BNC2: variants seen among roughly 807,000 people sequenced by gnomAD.
BNC2 encodes basonuclin zinc finger protein 2.
In BNC2, 20 loss-of-function variants were observed where a neutral mutation model predicts 76.3. That is an observed-to-expected ratio of 0.26 (90% CI 0.18 to 0.38). BNC2 has a LOEUF of 0.38. BNC2 is among the 10% of genes least tolerant of loss of function. The pLI is 1.00. For missense variants in BNC2, 1,382 were observed against 1,399.8 expected (o/e 0.99, Z 0.20); for synonymous variants, 582 against 514.8 (o/e 1.13, Z -1.77).
chr9:16,777,569 C>T (rs1826002810), intron 1 of BNC2, among the ~76,000 whole-genome samples: 1 of 151,856 alleles, frequency 6.6e-6, no homozygotes, highest in South Asian at 2.1e-4. Context: ...GGCATGGTGG[C>T]GGGTGCCTGT....
intron 3 of BNC2, among the ~76,000 whole-genome samples, chr9:16,688,195 G>C (rs922509798): frequency 2.0e-5 from 3 of 152,112 alleles, no homozygotes; most frequent in East Asian, 1.9e-4. Context: ...TCATCAGTTA[G>C]GGAAATCTTT....
At chr9:16,623,069 G>C (rs770980117) in intron 3 of BNC2, among the ~76,000 whole-genome samples, 7 of 152,076 alleles carry the variant, frequency 4.6e-5, no homozygotes, top group Non-Finnish European at 1.5e-5. Flanking sequence ...TTCAGTATCT[G>C]TTTAATACAT....
chr9:16,645,253 T>C (rs1044285887), intron 3 of BNC2, among the ~76,000 whole-genome samples: 2 of 152,184 alleles, frequency 1.3e-5, no homozygotes, highest in South Asian at 2.1e-4. Flanking sequence ...TATATTGCTG[T>C]GGAAAAGTTA....
chr9:16,819,906 CT>C (rs1017883421), intron 1 of BNC2, among the ~76,000 whole-genome samples: 29 of 152,058 alleles, frequency 1.9e-4, no homozygotes, highest in African/African-American at 7.0e-4. Flanking sequence ...AGGAGGATCA[CT>C]TCAGGTCAGG....
chr9:16,435,888 T>G lies in BNC2; in HGVS notation c.2306A>C (p.Gln769Pro). ...PDENHSEPSH[Q>P]DVIKVKEEFT... ...TTCTTCCTTCACCTTGATGACGTCC[T>G]GGTGAGAGGGCTCACTGTGGTTCTC... Residue 769 changes from glutamine to proline, a missense_variant, in exon 6 of 7, where the codon CAG becomes CCG. Physicochemically the swap from Gln to Pro is moderately conservative, Grantham distance 76. Transcript: ENST00000380672. The G allele has an allele frequency of 6.2e-7, 1 of 1,613,952 alleles. No individual in the cohort carries two copies.
intron 5 of BNC2, among the ~76,000 whole-genome samples, chr9:16,448,053 G>A (rs574312332): frequency 7.9e-5 from 12 of 151,946 alleles, no homozygotes; most frequent in East Asian, 5.8e-4. Flanking sequence ...TCCCTGCAGC[G>A]GCCTTGTTTT....
chr9:16,809,434 G>T lies in BNC2; in HGVS notation c.3+61212C>A, dbSNP rs79232593. ...TAGGATAAGAGCCCTGGGATGAGGAGCAAGAACTCTCTCGGTCCAGTTTTT... is the reference window on the plus strand; with the variant it reads ...TAGGATAAGAGCCCTGGGATGAGGATCAAGAACTCTCTCGGTCCAGTTTTT... On this transcript the variant is annotated intron_variant, in intron 1 of 6. Transcript: ENST00000380672. 4.2e-3 allele frequency among the ~76,000 whole-genome samples: 640 copies of T among 152,198 alleles called. 7 individuals carry two copies. The highest frequency in any genetic ancestry group is 0.015 in the African/African-American group (612 of 41,536).
intron 1 of BNC2, among the ~76,000 whole-genome samples, chr9:16,825,911 G>C (rs1221054817): frequency 2.0e-5 from 3 of 152,052 alleles, no homozygotes; most frequent in Non-Finnish European, 4.4e-5. Context: ...TTTGGACAGA[G>C]AGAAGGGACA....
intron 1 of BNC2, among the ~76,000 whole-genome samples, chr9:16,807,868 A>T (rs915009491): frequency 6.6e-6 from 1 of 152,164 alleles, no homozygotes; most frequent in Non-Finnish European, 1.5e-5. Flanking sequence ...TTCCTAACAG[A>T]TAAACTCATA....
intron 5 of BNC2, among the ~76,000 whole-genome samples, chr9:16,481,857 T>A (rs1822064348): frequency 6.6e-6 from 1 of 152,238 alleles, no homozygotes; most frequent in African/African-American, 2.4e-5. Context: ...AAAGAATATG[T>A]GTGATCTTAG....
chr9:16,591,034 T>C (rs1432553043), intron 3 of BNC2, among the ~76,000 whole-genome samples: 2 of 152,178 alleles, frequency 1.3e-5, no homozygotes, highest in Non-Finnish European at 1.5e-5. Flanking sequence ...GCTAAGACAG[T>C]ACTTCAAACA....
At chr9:16,658,030 G>A (rs79802950) in intron 3 of BNC2, among the ~76,000 whole-genome samples, 12,622 of 152,088 alleles carry the variant, frequency 0.083, 1,674 homozygotes, top group African/African-American at 0.28. Flanking sequence ...ATAATAGACC[G>A]GAATTTCGGG....
intron 4 of BNC2, among the ~76,000 whole-genome samples, chr9:16,564,504 C>A (rs1408549379): frequency 1.3e-5 from 2 of 152,150 alleles, no homozygotes; most frequent in Non-Finnish European, 2.9e-5. Flanking sequence ...AGACAAACTG[C>A]CTCTCCACCT....
chr9:16,710,124 A>T (rs202029210), intron 3 of BNC2, among the ~76,000 whole-genome samples: 4 of 31,960 alleles, frequency 1.3e-4, no homozygotes, highest in Admixed American at 7.9e-4. Flanking sequence ...TTCAACATTT[A>T]AAAAAAAAAA....
intron 1 of BNC2, among the ~76,000 whole-genome samples, chr9:16,777,794 A>G (rs1422378980): frequency 6.6e-6 from 1 of 152,192 alleles, no homozygotes; most frequent in African/African-American, 2.4e-5. Flanking sequence ...TATAATAACA[A>G]AAAATTGGAT....
intron 5 of BNC2, among the ~76,000 whole-genome samples, chr9:16,469,213 G>A (rs1821765129): frequency 7.2e-6 from 1 of 137,964 alleles, no homozygotes; most frequent in African/African-American, 2.6e-5. Context: ...CTCTCAAACA[G>A]TACTAATGAT....
intron 1 of BNC2, among the ~76,000 whole-genome samples, chr9:16,777,717 A>AAAAAAAG (rs1826008951): frequency 6.6e-6 from 1 of 151,362 alleles, no homozygotes; most frequent in Non-Finnish European, 1.5e-5. Flanking sequence ...AAAAAAAAAA[A>AAAAAAAG]GAACTGTTAG....
chr9:16,596,145 AAAGAAAGTAATGGCT>A (rs1260323985), intron 3 of BNC2, among the ~76,000 whole-genome samples: 8 of 152,156 alleles, frequency 5.3e-5, no homozygotes, highest in Non-Finnish European at 1.0e-4. Context: ...AAATTAGTCA[AAAGAAAGTAATGGCT>A]ATGAAGGACT....
At position 16,435,614 on chromosome 9, in the gene BNC2, C is replaced by A. The variant is rs754409695; in HGVS notation, c.2580G>T (p.Met860Ile). The A allele has an allele frequency of 1.9e-6, 3 of 1,614,048 alleles. No homozygotes were observed. Among genetic ancestry groups the A allele is most frequent in the Middle Eastern group, 3.3e-4 (2 of 6,054 alleles). ...LHYRNVHLKE[M>I]HVCTVAGCNA... ...TGCAACCAGCCACTGTGCAGACGTG[C>A]ATCTCTTTCAAGTGAACGTTCCTGT... is the stretch of plus-strand genomic sequence containing the variant. Residue 860 changes from methionine to isoleucine, a missense_variant, in exon 6 of 7, where the codon ATG becomes ATT. Met to Ile is a conservative substitution (Grantham distance 10, BLOSUM62 1). This residue lies in a region of BNC2 where 798 missense variants were observed against 775.5 expected (regional missense o/e 1.03). Coordinates refer to ENST00000380672, the MANE Select transcript of BNC2 (RefSeq NM_017637.6).
Sources: allele counts gnomAD v4.1 joint callset (sites outside exome capture counted in the v4.1 genomes callset), GRCh38; gene constraint gnomAD v4.1.1; regional missense constraint gnomAD v4.1.1; transcripts MANE v1.5; gene names NCBI Gene and HGNC (gene_info 2026-07-23, HGNC 2026-07-21).